Variants in RAI1 observed in about 807,000 individuals in gnomAD.
The protein encoded by RAI1 is retinoic acid induced 1.
In RAI1, 9 loss-of-function variants were observed where a neutral mutation model predicts 123.8. The ratio of observed to expected loss-of-function variants is 0.07; its 90% confidence interval spans 0.04 to 0.13. The LOEUF (loss-of-function observed/expected upper bound fraction) is 0.13. Ranked by LOEUF, RAI1 falls within the 10% of genes least tolerant of loss-of-function variation. RAI1 has a pLI of 1.00. For missense variants in RAI1, 2,256 were observed against 2,545.8 expected (o/e 0.89, Z 2.45); for synonymous variants, 1,231 against 1,127.3 (o/e 1.09, Z -1.84).
chr17:17,804,031 C>G (rs1434637641), intron 4 of RAI1, 182 bp downstream of exon 4: 4 of 725,572 alleles, frequency 5.5e-6, no homozygotes, highest in East Asian at 5.5e-5. Flanking sequence ...ATGCCAGGGA[C>G]ATGGAAATGA....
At chr17:17,687,866 C>T (rs1490288024) in intron 1 of RAI1, among the ~76,000 whole-genome samples, 3 of 151,386 alleles carry the variant, frequency 2.0e-5, no homozygotes, top group Non-Finnish European at 4.4e-5. Context: ...CCCATCTCCA[C>T]TAAAAATACA....
At chr17:17,724,406 C>CT (rs771760855) in intron 2 of RAI1, among the ~76,000 whole-genome samples, 31,571 of 103,294 alleles carry the variant, frequency 0.31, 5,674 homozygotes, top group African/African-American at 0.41. Context: ...TCTTTCTTTC[C>CT]TTTTTTTTTT....
intron 2 of RAI1, among the ~76,000 whole-genome samples, chr17:17,754,827 A>G (rs549493906): frequency 6.6e-6 from 1 of 152,288 alleles, no homozygotes; most frequent in South Asian, 2.1e-4. Context: ...AGAGGGTGGG[A>G]GAGAGGAGTA....
intron 1 of RAI1, among the ~76,000 whole-genome samples, chr17:17,711,244 C>A (rs909347021): frequency 1.3e-5 from 2 of 152,224 alleles, no homozygotes; most frequent in Non-Finnish European, 2.9e-5. Flanking sequence ...CCCTCCTCGA[C>A]AGAAACACAC....
At chr17:17,720,523 C>T (rs936541227) in intron 1 of RAI1, among the ~76,000 whole-genome samples, 9 of 152,186 alleles carry the variant, frequency 5.9e-5, no homozygotes, top group African/African-American at 2.4e-5. Context: ...CCATGGAATC[C>T]TGCCAGTAGG....
intron 1 of RAI1, chr17:17,682,664 C>T (rs1211811622): frequency 2.6e-5 from 4 of 152,146 alleles, no homozygotes; most frequent in Non-Finnish European, 4.4e-5. Flanking sequence ...CCAGGGGCCT[C>T]CGTGGTGGGG....
At chr17:17,763,506 CT>C (rs1387324886) in intron 2 of RAI1, among the ~76,000 whole-genome samples, 6 of 152,222 alleles carry the variant, frequency 3.9e-5, no homozygotes, top group African/African-American at 1.4e-4. Flanking sequence ...CCGAGGGACC[CT>C]GGGAGCCAAA....
At chr17:17,756,785 C>T (rs1225772284) in intron 2 of RAI1, among the ~76,000 whole-genome samples, 2 of 152,284 alleles carry the variant, frequency 1.3e-5, no homozygotes, top group East Asian at 1.9e-4. Context: ...ATCAGTTCGT[C>T]GGTAACGAGG....
intron 2 of RAI1, among the ~76,000 whole-genome samples, chr17:17,789,888 G>A (rs2031951977): frequency 6.6e-6 from 1 of 152,148 alleles, no homozygotes; most frequent in Non-Finnish European, 1.5e-5. Flanking sequence ...AGTGAGCCCA[G>A]TGGGTGGGGG....
chr17:17,785,688 C>T (rs75671774), intron 2 of RAI1, among the ~76,000 whole-genome samples: 3,821 of 152,246 alleles, frequency 0.025, 177 homozygotes, highest in African/African-American at 0.087. Context: ...TTTCCAAGGC[C>T]GCTGAGTGCA....
At chr17:17,693,687 A>G (rs1261686206) in intron 1 of RAI1, among the ~76,000 whole-genome samples, 2 of 152,174 alleles carry the variant, frequency 1.3e-5, no homozygotes, top group Non-Finnish European at 2.9e-5. Context: ...TGAGAAAGAC[A>G]TCGGATCCAG....
intron 2 of RAI1, among the ~76,000 whole-genome samples, chr17:17,729,651 C>G (rs914003860): frequency 2.0e-5 from 3 of 152,228 alleles, no homozygotes; most frequent in African/African-American, 7.2e-5. Context: ...CAAGTTTGTT[C>G]AAGTGCCTGG....
At chr17:17,791,603 G>A (rs1471337913) in intron 2 of RAI1, among the ~76,000 whole-genome samples, 1 of 152,194 alleles carries the variant, frequency 6.6e-6, no homozygotes, top group African/African-American at 2.4e-5. Flanking sequence ...CTGGGGGCCT[G>A]GGCCACACAG....
chr17:17,730,729 C>T (rs1916241060), intron 2 of RAI1, among the ~76,000 whole-genome samples: 1 of 152,228 alleles, frequency 6.6e-6, no homozygotes, highest in Admixed American at 6.5e-5. Flanking sequence ...GCCAGTGAGG[C>T]CCTGCCAGGG....
At chr17:17,765,456 A>G (rs1450695794) in intron 2 of RAI1, among the ~76,000 whole-genome samples, 1 of 152,260 alleles carries the variant, frequency 6.6e-6, no homozygotes, top group African/African-American at 2.4e-5. Flanking sequence ...TACACACAAG[A>G]TGAAAATCGT....
chr17:17,779,183 C>G (rs1012932193), intron 2 of RAI1: 4 of 340,884 alleles, frequency 1.2e-5, no homozygotes, highest in Non-Finnish European at 2.3e-5. Context: ...GTGAGGAAAG[C>G]CTCCCGGGTG....
chr17:17,769,966 C>T (rs968142984), intron 2 of RAI1, among the ~76,000 whole-genome samples: 18 of 152,162 alleles, frequency 1.2e-4, no homozygotes, highest in Admixed American at 4.6e-4. Context: ...CGAGGAGCAG[C>T]GACACGGGAG....
intron 3 of RAI1, among the ~76,000 whole-genome samples, chr17:17,803,381 G>GTT (rs371643312): frequency 1.7e-4 from 25 of 150,830 alleles, no homozygotes; most frequent in African/African-American, 6.2e-4. Context: ...GGTTTTTTGT[G>GTT]TTTTTTTTGT....
At chr17:17,774,485 A>G (rs974016512) in intron 2 of RAI1, among the ~76,000 whole-genome samples, 1 of 152,198 alleles carries the variant, frequency 6.6e-6, no homozygotes, top group Non-Finnish European at 1.5e-5. Context: ...TTTTCCTCCC[A>G]ACATGCCAGC....
Sources: gnomAD v4.1 joint callset for allele counts (sites outside exome capture counted in the v4.1 genomes callset) on GRCh38, gnomAD v4.1.1 for gene constraint, MANE v1.5 for transcripts, NCBI Gene and HGNC (gene_info 2026-07-23, HGNC 2026-07-21) for gene names.